Variants in KCNIP1 observed in about 807,000 individuals in gnomAD.
The protein encoded by KCNIP1 is potassium voltage-gated channel interacting protein 1, also known as A-type potassium channel modulatory protein KCNIP1.
KCNIP1 carries 18 observed loss-of-function variants against 33.0 expected under a neutral mutation model. The ratio of observed to expected loss-of-function variants is 0.55; its 90% CI spans 0.38 to 0.81. The LOEUF is 0.81. KCNIP1 is among the 30% of genes least tolerant of loss of function. KCNIP1 has a pLI of 0.00. For missense variants in KCNIP1, 238 were observed against 271.6 expected (o/e 0.88, Z 0.87); for synonymous variants, 93 against 98.3 (o/e 0.95, Z 0.32).
intron 1 of KCNIP1, among the ~76,000 whole-genome samples, chr5:170,527,666 G>A (rs1191575864): frequency 6.6e-6 from 1 of 150,888 alleles, no homozygotes; most frequent in Admixed American, 6.6e-5. Context: ...TTTTGCTTAG[G>A]TACAAACTTG....
intron 1 of KCNIP1, among the ~76,000 whole-genome samples, chr5:170,433,164 G>A (rs576650124): frequency 6.6e-6 from 1 of 152,174 alleles, no homozygotes; most frequent in Non-Finnish European, 1.5e-5. Flanking sequence ...CCCAGGTGCC[G>A]ATGTTTTTGT....
chr5:170,442,476 G>A lies in KCNIP1; in HGVS notation c.88+88512G>A, dbSNP rs184128972. Among the ~76,000 whole-genome samples, 24 of 152,250 alleles carry A rather than the reference G, an allele frequency of 1.6e-4. No homozygotes were observed. In the East Asian group the frequency reaches 4.6e-3, roughly 29 times the overall value. ...CCATCTAGGATCCACCCTGACCCTG[G>A]GCCTTCATGTCAGGTTAAGGAGAGA... is the stretch of plus-strand genomic sequence containing the variant. On this transcript the variant is annotated intron_variant, in intron 1 of 7. Transcript: ENST00000377360.
chr5:170,735,896 C>A lies in KCNIP1; in HGVS notation c.*90C>A. ...TCTGCCCTTGTTCTGATTTTACACA[C>A]CAACTCTTGGGACAGAAACACCTTT... On this transcript the variant is annotated 3_prime_UTR_variant, in exon 8 of 8. Coordinates refer to ENST00000328939, the MANE Select transcript of KCNIP1 (RefSeq NM_014592.4). 2.6e-6 allele frequency: 3 copies of A among 1,150,362 alleles called. No homozygotes were observed. Among genetic ancestry groups the A allele is most frequent in the Non-Finnish European group, 3.9e-6 (3 of 767,392 alleles). The allele number at this position is 1,150,362 out of a possible 1,614,324, so 71.3% of individuals were successfully genotyped here. A position where few individuals can be genotyped will look rare whatever the true frequency, so the allele number is the denominator to read the frequency against.
intron 1 of KCNIP1, among the ~76,000 whole-genome samples, chr5:170,365,990 C>A (rs1286448573): frequency 6.6e-6 from 1 of 152,238 alleles, no homozygotes; most frequent in South Asian, 2.1e-4. Context: ...AAACCAGGGA[C>A]CTCCCATGTC....
chr5:170,586,358 C>T (rs542725995), intron 1 of KCNIP1, among the ~76,000 whole-genome samples: 11 of 152,030 alleles, frequency 7.2e-5, no homozygotes, highest in South Asian at 2.1e-4. Context: ...ATGATGGTGA[C>T]GATGATGATG....
intron 1 of KCNIP1, among the ~76,000 whole-genome samples, chr5:170,544,696 G>A (rs1051755252): frequency 7.3e-6 from 1 of 136,806 alleles, no homozygotes; most frequent in Non-Finnish European, 1.5e-5. Flanking sequence ...TTGGCTTCTT[G>A]TTTCACATTC....
At chr5:170,712,249 C>A (rs1468325097) in intron 1 of KCNIP1, among the ~76,000 whole-genome samples, 1 of 152,208 alleles carries the variant, frequency 6.6e-6, no homozygotes, top group East Asian at 1.9e-4. Flanking sequence ...TCTGCAACTA[C>A]CCTTTTCTTT....
At chr5:170,497,529 A>T (rs953071189) in intron 1 of KCNIP1, among the ~76,000 whole-genome samples, 14 of 152,206 alleles carry the variant, frequency 9.2e-5, no homozygotes, top group Non-Finnish European at 1.5e-4. Flanking sequence ...TTCATGCAGC[A>T]TGGTAACTCT....
chr5:170,363,246 C>T (rs933894195), intron 1 of KCNIP1, among the ~76,000 whole-genome samples: 5 of 152,232 alleles, frequency 3.3e-5, no homozygotes, highest in African/African-American at 4.8e-5. Flanking sequence ...CCTTTGAACA[C>T]GCCTGGTCAA....
chr5:170,623,225 T>C (rs2113648671), intron 1 of KCNIP1, among the ~76,000 whole-genome samples: 1 of 151,980 alleles, frequency 6.6e-6, no homozygotes, highest in East Asian at 1.9e-4. Flanking sequence ...TTTTTTTCTT[T>C]TTTTTGAGAT....
intron 1 of KCNIP1, among the ~76,000 whole-genome samples, chr5:170,449,137 G>A (rs766058617): frequency 3.3e-5 from 5 of 152,234 alleles, no homozygotes; most frequent in Admixed American, 6.5e-5. Flanking sequence ...CTATTTAGAA[G>A]AGAGGTAGTG....
At chr5:170,441,627 A>T (rs1755991643) in intron 1 of KCNIP1, among the ~76,000 whole-genome samples, 1 of 152,092 alleles carries the variant, frequency 6.6e-6, no homozygotes. Context: ...GTATATCCAG[A>T]ACCATCCCAG....
At chr5:170,542,930 A>G (rs990202886) in intron 1 of KCNIP1, among the ~76,000 whole-genome samples, 18 of 152,226 alleles carry the variant, frequency 1.2e-4, no homozygotes, top group South Asian at 6.2e-4. Flanking sequence ...TATAATTTAT[A>G]AATAACAGAA....
chr5:170,371,487 C>G (rs1402122389), intron 1 of KCNIP1, among the ~76,000 whole-genome samples: 2 of 152,082 alleles, frequency 1.3e-5, no homozygotes, highest in Non-Finnish European at 2.9e-5. Flanking sequence ...AACAGGATTC[C>G]CAGTGGTTAG....
chr5:170,620,994 GGT>G (rs1403128962), intron 1 of KCNIP1, among the ~76,000 whole-genome samples: 8 of 152,106 alleles, frequency 5.3e-5, no homozygotes, highest in Non-Finnish European at 7.3e-5. Context: ...GTCCATCACT[GGT>G]CACACTGGGA....
intron 1 of KCNIP1, among the ~76,000 whole-genome samples, chr5:170,532,890 G>A (rs1755832792): frequency 6.6e-6 from 1 of 152,136 alleles, no homozygotes; most frequent in Admixed American, 6.5e-5. Flanking sequence ...CCAGTCCAAG[G>A]AAGTTTTATG....
At chr5:170,418,898 T>C (rs1231693950) in intron 1 of KCNIP1, among the ~76,000 whole-genome samples, 1 of 152,216 alleles carries the variant, frequency 6.6e-6, no homozygotes, top group Non-Finnish European at 1.5e-5. Context: ...TCCCCAGTCA[T>C]ATAGCCCTCT....
At position 170,504,453 on chromosome 5, in the gene KCNIP1, G is replaced by A; in HGVS notation, c.-120G>A. On this transcript the variant is annotated 5_prime_UTR_variant, in exon 1 of 8. Coordinates refer to ENST00000328939, the MANE Select transcript of KCNIP1 (RefSeq NM_014592.4). This position sits in a 1 kb window ranked among gnomAD's most constrained non-coding sequence, Gnocchi z 6.0. ...ACGCTTGCTGAATACCAAGCTGCAG[G>A]CGAGCTGCCGGGCGCTTTTCTCTCC... is the stretch of plus-strand genomic sequence containing the variant. The A allele has an allele frequency of 6.5e-7, 1 of 1,543,824 alleles. No homozygotes were observed. Among genetic ancestry groups the A allele is most frequent in the South Asian group, 1.2e-5 (1 of 82,444 alleles).
intron 1 of KCNIP1, among the ~76,000 whole-genome samples, chr5:170,628,896 T>C (rs1759942892): frequency 6.6e-6 from 1 of 151,958 alleles, no homozygotes; most frequent in Non-Finnish European, 1.5e-5. Flanking sequence ...TGCATGAGGG[T>C]CAGACAGAAA....
Sources: allele counts gnomAD v4.1 joint callset (sites outside exome capture counted in the v4.1 genomes callset), GRCh38; gene constraint gnomAD v4.1.1; non-coding constraint Gnocchi (gnomAD v3.1); transcripts MANE v1.5; gene names NCBI Gene and HGNC (gene_info 2026-07-23, HGNC 2026-07-21).